Variants in SNX29 observed in about 807,000 individuals in gnomAD.
SNX29 encodes sorting nexin-29.
SNX29 carries 78 observed loss-of-function variants against 102.1 expected under a neutral mutation model. That is an observed-to-expected ratio of 0.76 (90% CI 0.64 to 0.92). The LOEUF (loss-of-function observed/expected upper bound fraction) is 0.92. SNX29 is among the 40% of genes least tolerant of loss of function. The probability of loss-of-function intolerance (pLI) is 0.00; values close to 1 mark genes in which losing one functional copy is unlikely to be tolerated. For synonymous variants in SNX29, 580 were observed against 414.5 expected (o/e 1.40, Z -4.85); for missense variants, 1,280 against 1,061.7 (o/e 1.21, Z -2.86).
rs74009106 is a variant in SNX29 at position 12,503,585 on chromosome 16, T to C, written c.2179-21117T>C. 4.7e-3 allele frequency among the ~76,000 whole-genome samples: 712 copies of C among 152,276 alleles called. 8 individuals are homozygous for C. The highest frequency in any genetic ancestry group is 0.017 in the African/African-American group (690 of 41,530). On this transcript the variant is annotated intron_variant, in intron 19 of 20. Coordinates refer to ENST00000566228, the MANE Select transcript of SNX29 (RefSeq NM_032167.5). ...AGCAAAGTCGTGAGAGGAATTTGAT[T>C]TCTGTGATTGAAAAGAGCAGAAATG...
intron 20 of SNX29, among the ~76,000 whole-genome samples, chr16:12,562,732 T>G (rs1443914981): frequency 2.6e-5 from 4 of 152,200 alleles, no homozygotes; most frequent in Non-Finnish European, 5.9e-5. Context: ...TGTTTCTCGC[T>G]TTTATGGCAT....
chr16:12,474,444 T>A (rs1417669557), intron 18 of SNX29, among the ~76,000 whole-genome samples: 1 of 152,010 alleles, frequency 6.6e-6, no homozygotes, highest in African/African-American at 2.4e-5. Flanking sequence ...AGGCCTGGGA[T>A]TGCGCATGTG....
At chr16:12,409,334 G>A (rs2084298977) in intron 18 of SNX29, among the ~76,000 whole-genome samples, 1 of 149,374 alleles carries the variant, frequency 6.7e-6, no homozygotes, top group South Asian at 2.2e-4. Context: ...TAAATTTGTT[G>A]TTAATTAATT....
chr16:12,333,802 C>T (rs775524191), intron 15 of SNX29, among the ~76,000 whole-genome samples: 4 of 152,094 alleles, frequency 2.6e-5, no homozygotes, highest in Admixed American at 6.6e-5. Flanking sequence ...AGGGTCCTAC[C>T]CTGTAGGATG....
chr16:12,129,854 C>G (rs1303172099), intron 13 of SNX29, 96 bp downstream of exon 13: 3 of 1,418,636 alleles, frequency 2.1e-6, no homozygotes, highest in Non-Finnish European at 2.8e-6. Flanking sequence ...CCTGTAATCC[C>G]AGCACTTTGG....
At chr16:12,019,492 A>G (rs2056951476) in intron 3 of SNX29, among the ~76,000 whole-genome samples, 1 of 151,998 alleles carries the variant, frequency 6.6e-6, no homozygotes, top group Admixed American at 6.6e-5. Flanking sequence ...AGAGTGAGCC[A>G]CCGCGCCTGG....
At chr16:11,998,851 A>T (rs1255822974) in intron 1 of SNX29, among the ~76,000 whole-genome samples, 3 of 152,198 alleles carry the variant, frequency 2.0e-5, no homozygotes, top group Non-Finnish European at 4.4e-5. Context: ...GATAGTGAGA[A>T]CAGCCAGTGA....
At chr16:12,444,914 C>G (rs1010882348) in intron 18 of SNX29, among the ~76,000 whole-genome samples, 1 of 149,198 alleles carries the variant, frequency 6.7e-6, no homozygotes, top group African/African-American at 2.5e-5. Flanking sequence ...TGCAGTGGCA[C>G]GACCTCAGCT....
chr16:12,256,570 C>T (rs954130284), intron 14 of SNX29, among the ~76,000 whole-genome samples: 3 of 152,118 alleles, frequency 2.0e-5, no homozygotes, highest in South Asian at 2.1e-4. Context: ...TCAAGTGATC[C>T]GCCTGCTTCG....
chr16:12,053,899 T>G (rs2050411207), intron 8 of SNX29, among the ~76,000 whole-genome samples: 1 of 152,050 alleles, frequency 6.6e-6, no homozygotes, highest in Non-Finnish European at 1.5e-5. Flanking sequence ...GAGGCAAGAT[T>G]TGTGAAAGCC....
At chr16:12,558,170 G>A (rs991363274) in intron 20 of SNX29, among the ~76,000 whole-genome samples, 1 of 152,162 alleles carries the variant, frequency 6.6e-6, no homozygotes, top group African/African-American at 2.4e-5. Context: ...TAGGCGTAAT[G>A]CATCTCAGTT....
intron 15 of SNX29, among the ~76,000 whole-genome samples, chr16:12,340,025 G>C (rs901090136): frequency 6.6e-6 from 1 of 152,246 alleles, no homozygotes; most frequent in Non-Finnish European, 1.5e-5. Flanking sequence ...TGTTCACCAT[G>C]AGGGTCACTG....
intron 15 of SNX29, among the ~76,000 whole-genome samples, chr16:12,354,463 G>A (rs1457247473): frequency 1.3e-5 from 2 of 152,058 alleles, no homozygotes; most frequent in Non-Finnish European, 2.9e-5. Context: ...GGGACGTTTC[G>A]GTGTTTCCTG....
At chr16:12,162,488 G>T (rs766313246) in intron 13 of SNX29, among the ~76,000 whole-genome samples, 1 of 152,206 alleles carries the variant, frequency 6.6e-6, no homozygotes, top group African/African-American at 2.4e-5. Context: ...GTCTGCTGTT[G>T]TAGCAAGAAA....
intron 11 of SNX29, among the ~76,000 whole-genome samples, chr16:12,100,682 T>G (rs1173421372): frequency 1.9e-5 from 1 of 52,722 alleles, no homozygotes; most frequent in African/African-American, 7.6e-5. Flanking sequence ...AGGCCCTGGG[T>G]GGGGGTGCTG....
At chr16:12,268,705 T>C (rs1166459552) in intron 14 of SNX29, among the ~76,000 whole-genome samples, 1 of 152,218 alleles carries the variant, frequency 6.6e-6, no homozygotes, top group Non-Finnish European at 1.5e-5. Flanking sequence ...CATCTCTGAA[T>C]TTAAAATGAT....
At chr16:12,415,487 A>G (rs1294712709) in intron 18 of SNX29, among the ~76,000 whole-genome samples, 1 of 152,256 alleles carries the variant, frequency 6.6e-6, no homozygotes, top group African/African-American at 2.4e-5. Flanking sequence ...CTGCCTGGAC[A>G]GAGTATAAAC....
At chr16:12,181,270 G>T (rs1054718143) in intron 13 of SNX29, among the ~76,000 whole-genome samples, 19 of 152,172 alleles carry the variant, frequency 1.2e-4, no homozygotes, top group East Asian at 5.8e-4. Context: ...CGGAGGTCCC[G>T]AGGACATGTG....
At chr16:12,018,892 G>T (rs930073004) in intron 3 of SNX29, among the ~76,000 whole-genome samples, 1 of 151,706 alleles carries the variant, frequency 6.6e-6, no homozygotes, top group Non-Finnish European at 1.5e-5. Flanking sequence ...CCGGCCTGGG[G>T]TATATTATCT....
Sources: gnomAD v4.1 joint callset for allele counts (sites outside exome capture counted in the v4.1 genomes callset) on GRCh38, gnomAD v4.1.1 for gene constraint, MANE v1.5 for transcripts, NCBI Gene and HGNC (gene_info 2026-07-23, HGNC 2026-07-21) for gene names.